CCR3: variants seen among roughly 807,000 people sequenced by gnomAD.
CCR3 encodes the protein C-C chemokine receptor type 3.
For synonymous variants in CCR3, 203 were observed against 179.2 expected, an observed-to-expected ratio of 1.13 and a Z score of -1.06; for missense variants, 419 against 437.5, an observed-to-expected ratio of 0.96 and a Z score of 0.38.
chr3:46,258,812 G>A (rs1043443841), intron 1 of CCR3, among the ~76,000 whole-genome samples: 1 of 152,084 alleles, frequency 6.6e-6, no homozygotes, highest in Non-Finnish European at 1.5e-5. Context: ...CTAATAGGAG[G>A]ATAATACCAA....
rs531316147 is a variant in CCR3 at position 46,236,279 on chromosome 3, C to T, written c.-67-6123C>T. 4.6e-5 allele frequency among the ~76,000 whole-genome samples: 7 copies of T among 152,294 alleles called. No individual in the cohort carries two copies. The South Asian group carries it at 1.4e-3, about 32-fold the overall frequency. ...ATACATGGACTTGGTTATCTCTGAC[C>T]TTGTGCCCCTCATGATAGTTGAACT... is the stretch of plus-strand genomic sequence containing the variant. On this transcript the variant is annotated intron_variant, in intron 2 of 3. Coordinates refer to the CCR3 transcript ENST00000357422.
intron 2 of CCR3, among the ~76,000 whole-genome samples, chr3:46,229,561 G>T (rs570187169): frequency 5.3e-5 from 8 of 152,302 alleles, no homozygotes; most frequent in Non-Finnish European, 1.0e-4. Flanking sequence ...GGAGTTGGGG[G>T]TGGAGGGCAG....
chr3:46,221,011 T>C (rs561746555), intron 2 of CCR3, among the ~76,000 whole-genome samples: 1 of 152,238 alleles, frequency 6.6e-6, no homozygotes, highest in South Asian at 2.1e-4. Context: ...AATAATAAAA[T>C]AAAATGATGC....
At chr3:46,224,283 G>A (rs895992615) in intron 2 of CCR3, among the ~76,000 whole-genome samples, 11 of 152,080 alleles carry the variant, frequency 7.2e-5, no homozygotes, top group Non-Finnish European at 8.8e-5. Context: ...TGAAAAAAAC[G>A]CAAAACAACA....
intron 1 of CCR3, among the ~76,000 whole-genome samples, chr3:46,254,157 C>T (rs1457153465): frequency 6.6e-6 from 1 of 152,076 alleles, no homozygotes; most frequent in South Asian, 2.1e-4. Flanking sequence ...GAAATGGGTG[C>T]CATGTGAGGT....
chr3:46,233,618 G>A (rs181263245), intron 2 of CCR3, among the ~76,000 whole-genome samples: 1 of 152,260 alleles, frequency 6.6e-6, no homozygotes, highest in African/African-American at 2.4e-5. Context: ...TTTGTGTTTG[G>A]TTGGGTTTTC....
chr3:46,246,908 G>C lies in CCR3; in HGVS notation c.-12+4370G>C, dbSNP rs897684495. Among the ~76,000 whole-genome samples the C allele has an allele frequency of 2.0e-5, 3 of 152,032 alleles. No homozygotes were observed. In the East Asian group the frequency reaches 5.8e-4, roughly 29 times the overall value. ...AGAGATTAAGCTGAAGGGAGGTCTT[G>C]TGGTAAGGGGTGATATTGTGGGGAT... On this transcript the variant is annotated intron_variant, in intron 1 of 1. Coordinates refer to ENST00000395940, the MANE Select transcript of CCR3 (RefSeq NM_178329.3).
intron 1 of CCR3, among the ~76,000 whole-genome samples, chr3:46,243,008 C>CATATATATATATATATATATATATAT (rs1248067512): frequency 1.2e-5 from 1 of 80,882 alleles, no homozygotes; most frequent in Non-Finnish European, 2.3e-5. Flanking sequence ...TATATACGCA[C>CATATATATATATATATATATATATAT]ACACACATAC....
At chr3:46,254,551 GTGGTGATTTCTGAGATTT>G (rs1700379523) in intron 1 of CCR3, among the ~76,000 whole-genome samples, 1 of 152,044 alleles carries the variant, frequency 6.6e-6, no homozygotes, top group African/African-American at 2.4e-5. Flanking sequence ...AATTTCTTTA[GTGGTGATTTCTGAGATTT>G]TGGTGCACCC....
intron 2 of CCR3, among the ~76,000 whole-genome samples, chr3:46,218,450 G>A (rs571424434): frequency 5.3e-5 from 8 of 151,974 alleles, no homozygotes; most frequent in Non-Finnish European, 1.2e-4. Context: ...AGAGAAAGAA[G>A]GAATCCTCCC....
chr3:46,229,466 G>A (rs1405943403), intron 2 of CCR3, among the ~76,000 whole-genome samples: 1 of 152,152 alleles, frequency 6.6e-6, no homozygotes, highest in Non-Finnish European at 1.5e-5. Context: ...AAAATGTATA[G>A]CATTGATGAT....
At chr3:46,244,152 C>A (rs936327245) in intron 1 of CCR3, among the ~76,000 whole-genome samples, 4 of 152,120 alleles carry the variant, frequency 2.6e-5, no homozygotes, top group Non-Finnish European at 5.9e-5. Context: ...TTAAAATGCA[C>A]ACAAATATGT....
At chr3:46,245,340 A>G (rs986812790) in intron 1 of CCR3, among the ~76,000 whole-genome samples, 1 of 149,102 alleles carries the variant, frequency 6.7e-6, no homozygotes, top group African/African-American at 2.5e-5. Flanking sequence ...TGTATCTAGT[A>G]TCCTCCAAGG....
intron 1 of CCR3, chr3:46,264,575 G>C (rs1700583067): frequency 1.5e-6 from 1 of 647,526 alleles, no homozygotes; most frequent in South Asian, 1.8e-5. Flanking sequence ...TTACTTGTTA[G>C]AGGATTTTGA....
chr3:46,261,026 A>G (rs940959290), intron 1 of CCR3, among the ~76,000 whole-genome samples: 1 of 152,150 alleles, frequency 6.6e-6, no homozygotes, highest in African/African-American at 2.4e-5. Flanking sequence ...TTCTATGTTC[A>G]TTTAACTTTT....
At chr3:46,261,053 T>C (rs1700517419) in intron 1 of CCR3, among the ~76,000 whole-genome samples, 1 of 152,194 alleles carries the variant, frequency 6.6e-6, no homozygotes, top group African/African-American at 2.4e-5. Flanking sequence ...TATTATCCTC[T>C]TTCTTCATGT....
At chr3:46,239,191 CTT>C (rs1700053082), upstream of CCR3, among the ~76,000 whole-genome samples, 1 of 152,158 alleles carries the variant, frequency 6.6e-6, no homozygotes, top group Non-Finnish European at 1.5e-5. Flanking sequence ...GTCCCGTCCT[CTT>C]TGTTTTTCTC....
chr3:46,228,796 G>A (rs548097201), intron 2 of CCR3, among the ~76,000 whole-genome samples: 2 of 152,320 alleles, frequency 1.3e-5, no homozygotes, highest in East Asian at 3.9e-4. Flanking sequence ...AGACTTGTGA[G>A]GATACATGTG....
At chr3:46,212,320 C>T (rs1410666089) in intron 2 of CCR3, among the ~76,000 whole-genome samples, 2 of 152,066 alleles carry the variant, frequency 1.3e-5, no homozygotes, top group African/African-American at 2.4e-5. Context: ...GTCTGCATGA[C>T]GAAAGAGGTT....
Sources: allele counts gnomAD v4.1 joint callset (sites outside exome capture counted in the v4.1 genomes callset), GRCh38; gene constraint gnomAD v4.1.1; transcripts MANE v1.5; gene names NCBI Gene and HGNC (gene_info 2026-07-23, HGNC 2026-07-21).